Variants in PKHD1 observed in about 807,000 individuals in gnomAD.
PKHD1 encodes the protein PKHD1 ciliary IPT domain containing fibrocystin/polyductin.
In PKHD1, 291 loss-of-function variants were observed where a neutral mutation model predicts 412.0. The ratio of observed to expected loss-of-function variants is 0.71; its 90% CI spans 0.64 to 0.78. The LOEUF (loss-of-function observed/expected upper bound fraction) is 0.78, where lower values mean the gene tolerates loss of function less well. Ranked by LOEUF, PKHD1 falls within the 30% of genes least tolerant of loss-of-function variation. The pLI is 0.00. For synonymous variants in PKHD1, 1,777 were observed against 1,821.5 expected (o/e 0.98, Z 0.62); for missense variants, 4,825 against 4,950.7 (o/e 0.97, Z 0.76).
At chr6:52,050,890 A>AT (rs1806733858) in intron 21 of PKHD1, among the ~76,000 whole-genome samples, 1 of 152,254 alleles carries the variant, frequency 6.6e-6, no homozygotes, top group African/African-American at 2.4e-5. Context: ...AGCGGGGATT[A>AT]TGACATGCAT....
chr6:52,072,268 A>C (rs750870599), intron 7 of PKHD1, 79 bp from the exon 8 acceptor site: 11 of 912,034 alleles, frequency 1.2e-5, no homozygotes, highest in Non-Finnish European at 1.8e-5. Flanking sequence ...CACAAAACTC[A>C]GAGGAAACAT....
chr6:51,912,623 C>CA (rs1783130713), intron 37 of PKHD1, 47 bp from the exon 38 acceptor site: 1 of 1,215,016 alleles, frequency 8.2e-7, no homozygotes, highest in Non-Finnish European at 1.2e-6. Flanking sequence ...AATCATTAAT[C>CA]AAAACGTGAT....
At chr6:51,775,106 A>G (rs1378230311) in intron 54 of PKHD1, among the ~76,000 whole-genome samples, 4 of 151,632 alleles carry the variant, frequency 2.6e-5, no homozygotes, top group Non-Finnish European at 5.9e-5. Context: ...ACAATACAAT[A>G]GCTAAAAGAG....
At chr6:51,818,237 T>C (rs1348116980) in intron 52 of PKHD1, among the ~76,000 whole-genome samples, 1 of 152,178 alleles carries the variant, frequency 6.6e-6, no homozygotes, top group Non-Finnish European at 1.5e-5. Flanking sequence ...AGGCAGTCAC[T>C]TACTGCTTGC....
Position 52,028,319 on chromosome 6 carries a change from G to T in PKHD1, c.3397C>A (p.Leu1133Met). 1 of 1,613,970 alleles carries T rather than the reference G, an allele frequency of 6.2e-7. No individual in the cohort carries two copies. The highest frequency in any genetic ancestry group is 8.5e-7 in the Non-Finnish European group (1 of 1,180,008). The change falls in exon 30 of 67, where the codon CTG (leucine) becomes ATG (methionine). Residue 1133 changes from leucine (L) to methionine (M), a missense_variant. Physicochemically the swap from Leu to Met is conservative, Grantham distance 15. Transcript: ENST00000371117. Reference sequence around the variant, plus strand: ...ACATCCAAATCCGTATAGTTCATCAGCCTCGCCACTCCAATGACCAGGGTC... The same window carrying T: ...ACATCCAAATCCGTATAGTTCATCATCCTCGCCACTCCAATGACCAGGGTC... Reference protein sequence around the residue: ...GETLVIGVARLMNYTDLDVEV... With the variant: ...GETLVIGVARMMNYTDLDVEV...
intron 46 of PKHD1, among the ~76,000 whole-genome samples, chr6:51,873,721 C>T (rs1776374241): frequency 6.6e-6 from 1 of 152,112 alleles, no homozygotes; most frequent in African/African-American, 2.4e-5. Flanking sequence ...TTTAACAGTG[C>T]TGATGTAATT....
intron 55 of PKHD1, among the ~76,000 whole-genome samples, chr6:51,760,614 G>C (rs1787839578): frequency 6.6e-6 from 1 of 152,064 alleles, no homozygotes; most frequent in Non-Finnish European, 1.5e-5. Flanking sequence ...TACTTAAGGA[G>C]CCAGTACAAA....
intron 45 of PKHD1, among the ~76,000 whole-genome samples, chr6:51,885,061 A>G (rs1777993058): frequency 6.6e-6 from 1 of 152,170 alleles, no homozygotes; most frequent in South Asian, 2.1e-4. Flanking sequence ...ATATGTTTGT[A>G]TTCTATTTCC....
At chr6:51,902,503 T>G (rs779340073) in intron 43 of PKHD1, among the ~76,000 whole-genome samples, 2 of 152,038 alleles carry the variant, frequency 1.3e-5, no homozygotes, top group Non-Finnish European at 2.9e-5. Context: ...ACAAACATAA[T>G]TAAGAATCTA....
intron 52 of PKHD1, among the ~76,000 whole-genome samples, chr6:51,792,848 C>A (rs1438878010): frequency 6.6e-6 from 1 of 152,194 alleles, no homozygotes; most frequent in Non-Finnish European, 1.5e-5. Context: ...CTCTTTTACA[C>A]TCCAGTGACA....
rs765667001 is a variant in PKHD1 at position 51,807,485 on chromosome 6, A to ATATATGTGTGTGTGTGTG, written c.8303-16113_8303-16112insCACACACACACACATATA. Among the ~76,000 whole-genome samples, 25 of 111,760 alleles carry ATATATGTGTGTGTGTGTG rather than the reference A, an allele frequency of 2.2e-4. No individual in the cohort carries two copies. In the East Asian group the frequency reaches 2.7e-3, roughly 12 times the overall value. The allele number at this position is 111,760 out of a possible 152,430, so 73.3% of individuals were successfully genotyped here. A position where few individuals can be genotyped will look rare whatever the true frequency, so the allele number is the denominator to read the frequency against. ...TATATATATATATATATATATGTAT[A>ATATATGTGTGTGTGTGTG]TGTGTGTGTGTGTGTGTGTGTGTGT... On this transcript the variant is annotated intron_variant, in intron 52 of 66. Coordinates refer to ENST00000371117, the MANE Select transcript of PKHD1 (RefSeq NM_138694.4).
Position 52,073,547 on chromosome 6 carries a change from T to A in PKHD1, c.449-6A>T, listed in dbSNP as rs200204976. On this transcript the variant is annotated splice_polypyrimidine_tract_variant and splice_region_variant and intron_variant, in intron 6 of 66. Transcript: ENST00000371117. The stretch of plus-strand genomic sequence containing the variant: ...ATATACATGTATTAGTTTTCCTGTT[T>A]GAAGAAGAATTTTTTTAATTTAATG... 7 of 1,555,584 alleles carry A rather than the reference T, an allele frequency of 4.5e-6. No individual in the cohort carries two copies. Among genetic ancestry groups the A allele is most frequent in the Non-Finnish European group, 6.2e-6 (7 of 1,126,952 alleles).
In PKHD1 at chr6:51,934,396, G is replaced by A. The variant is rs932517249; in HGVS notation, c.5909-74C>T. 3 of 891,152 alleles carry A rather than the reference G, an allele frequency of 3.4e-6. No homozygotes were observed. The African/African-American group carries it at 4.9e-5, about 15-fold the overall frequency. The allele number at this position is 891,152 out of a possible 1,614,324, so 55.2% of individuals were successfully genotyped here. A position where few individuals can be genotyped will look rare whatever the true frequency, so the allele number is the denominator to read the frequency against. ...CGTTTTGTCAGTTTCAATGCCTGAT[G>A]AAATCCCCTTCATTTAAATACTTCT... On this transcript the variant is annotated intron_variant, in intron 36 of 66. Transcript: ENST00000371117.
At chr6:52,062,882 T>C (rs1385894354) in intron 13 of PKHD1, among the ~76,000 whole-genome samples, 2 of 152,162 alleles carry the variant, frequency 1.3e-5, no homozygotes, top group Non-Finnish European at 1.5e-5. Flanking sequence ...AGTTAGCCTT[T>C]TTTAGCAAGA....
chr6:51,697,145 A>T (rs1778899153), intron 60 of PKHD1, among the ~76,000 whole-genome samples: 1 of 151,894 alleles, frequency 6.6e-6, no homozygotes, highest in South Asian at 2.1e-4. Flanking sequence ...GTACCACTGC[A>T]CTCCAGCCTG....
chr6:51,968,013 C>T (rs1274362492), intron 35 of PKHD1, among the ~76,000 whole-genome samples: 1 of 151,936 alleles, frequency 6.6e-6, no homozygotes, highest in East Asian at 1.9e-4. Context: ...ACCAGGAAAC[C>T]TTTTTTTTCC....
chr6:51,891,712 AACACACAC>A (rs58262423), intron 43 of PKHD1, among the ~76,000 whole-genome samples: 2,581 of 143,830 alleles, frequency 0.018, 56 homozygotes, highest in African/African-American at 0.05. Context: ...TTCCACAAGG[AACACACAC>A]ACACACACAC....
At chr6:52,044,856 G>T in intron 25 of PKHD1, 110 bp downstream of exon 25, 2 of 1,230,442 alleles carry the variant, frequency 1.6e-6, no homozygotes, top group Non-Finnish European at 1.2e-6. Flanking sequence ...TTTACACATT[G>T]GCAAAATGAC....
At chr6:51,815,952 G>A (rs959389517) in intron 52 of PKHD1, among the ~76,000 whole-genome samples, 1 of 152,058 alleles carries the variant, frequency 6.6e-6, no homozygotes, top group African/African-American at 2.4e-5. Context: ...ATCATGTATA[G>A]CATATATAGC....
Sources: gnomAD v4.1 joint callset for allele counts (sites outside exome capture counted in the v4.1 genomes callset) on GRCh38, gnomAD v4.1.1 for gene constraint, MANE v1.5 for transcripts, NCBI Gene and HGNC (gene_info 2026-07-23, HGNC 2026-07-21) for gene names.